COL27A1: variants seen among roughly 807,000 people sequenced by gnomAD.
COL27A1 encodes collagen type XXVII alpha 1 chain.
A neutral mutation model predicts 251.3 loss-of-function variants in COL27A1; 106 were observed. That is an observed-to-expected ratio of 0.42 (90% CI 0.36 to 0.50). The LOEUF is 0.50. COL27A1 is among the 20% of genes least tolerant of loss of function. The pLI is 0.00. For synonymous variants in COL27A1, 1,000 were observed against 986.3 expected (o/e 1.01, Z -0.26); for missense variants, 2,325 against 2,522.8 (o/e 0.92, Z 1.68).
Position 114,194,446 on chromosome 9 carries a change from G to A in COL27A1, c.2059G>A (p.Asp687Asn), listed in dbSNP as rs752509769. The change falls in exon 6 of 61, where the codon GAT (aspartate) becomes AAT (asparagine). Residue 687 changes from aspartate to asparagine, a missense_variant. Asp to Asn is a conservative substitution (Grantham distance 23, BLOSUM62 1). Coordinates refer to ENST00000356083, the MANE Select transcript of COL27A1 (RefSeq NM_032888.4). ...AGGGCTCTCACCAGGAAAGGCCCAC[G>A]ATGGGGCAAAGGTAGGTTTCCAGGG... ...DPGLSPGKAH[D>N]GAKGDMGLPG... 12 of 1,612,860 alleles carry A rather than the reference G, an allele frequency of 7.4e-6. No homozygotes were observed. The highest frequency in any genetic ancestry group is 2.2e-5 in the South Asian group (2 of 90,748).
At chr9:114,236,086 G>A (rs1223868190) in intron 17 of COL27A1, among the ~76,000 whole-genome samples, 1 of 151,764 alleles carries the variant, frequency 6.6e-6, no homozygotes, top group East Asian at 1.9e-4. Context: ...GCCTGCCGTG[G>A]GCCTCTGTAC....
chr9:114,265,562 G>C (rs2135597499), intron 32 of COL27A1, 87 bp downstream of exon 32: 4 of 1,380,430 alleles, frequency 2.9e-6, no homozygotes, highest in Middle Eastern at 1.8e-4. Flanking sequence ...AGAAGGGTTG[G>C]AAAGGGACCA....
At chr9:114,178,180 C>G in intron 3 of COL27A1, 111 bp from the exon 4 acceptor site, 3 of 889,022 alleles carry the variant, frequency 3.4e-6, no homozygotes, top group Non-Finnish European at 5.6e-6. Context: ...TCCTCTTAGC[C>G]GCGGACTATC....
intron 39 of COL27A1, 69 bp from the exon 40 acceptor site, chr9:114,283,640 C>T (rs918704707): frequency 3.4e-6 from 5 of 1,452,142 alleles, no homozygotes; most frequent in Non-Finnish European, 2.9e-6. Flanking sequence ...CTGGAGCCTG[C>T]AGGGAGACTG....
At chr9:114,182,076 C>T (rs900136120) in intron 4 of COL27A1, among the ~76,000 whole-genome samples, 5 of 152,034 alleles carry the variant, frequency 3.3e-5, no homozygotes, top group South Asian at 2.1e-4. Flanking sequence ...CCGTGGCTCA[C>T]GCCTGTAATC....
chr9:114,252,062 C>T (rs1048255192), intron 25 of COL27A1, among the ~76,000 whole-genome samples: 1 of 152,218 alleles, frequency 6.6e-6, no homozygotes, highest in African/African-American at 2.4e-5. Flanking sequence ...GAACCCAGAG[C>T]ACCTACCTTC....
rs562719839 is a variant in COL27A1 at position 114,258,155 on chromosome 9, C to T, written c.3142-386C>T. ...AGGCTGCACTGCACTCCAGCCCAGG[C>T]CACAGAGCGAGATCCTCTCTCAATA... On this transcript the variant is annotated intron_variant, in intron 27 of 60. Coordinates refer to ENST00000356083, the MANE Select transcript of COL27A1 (RefSeq NM_032888.4). 2.6e-5 allele frequency among the ~76,000 whole-genome samples: 4 copies of T among 152,288 alleles called. No homozygotes were observed. The South Asian group carries it at 6.2e-4, about 24-fold the overall frequency.
At chr9:114,175,888 A>C (rs1827398021) in intron 3 of COL27A1, among the ~76,000 whole-genome samples, 1 of 152,198 alleles carries the variant, frequency 6.6e-6, no homozygotes, top group African/African-American at 2.4e-5. Flanking sequence ...ATAATGTAGC[A>C]GAGGAAATTA....
At chr9:114,225,943 G>A (rs1273516597) in intron 14 of COL27A1, among the ~76,000 whole-genome samples, 1 of 152,188 alleles carries the variant, frequency 6.6e-6, no homozygotes, top group Non-Finnish European at 1.5e-5. Context: ...GAGAGTGGAA[G>A]TGTCGGGCTT....
chr9:114,191,975 T>C (rs1202900584), intron 5 of COL27A1, among the ~76,000 whole-genome samples: 1 of 152,126 alleles, frequency 6.6e-6, no homozygotes, highest in Non-Finnish European at 1.5e-5. Flanking sequence ...TGGACATGAG[T>C]GTGTCTGTTC....
At chr9:114,302,888 T>C (rs1387584181) in intron 56 of COL27A1, among the ~76,000 whole-genome samples, 1 of 152,118 alleles carries the variant, frequency 6.6e-6, no homozygotes, top group African/African-American at 2.4e-5. Flanking sequence ...ACACGACTAT[T>C]ACCATCAGGC....
chr9:114,312,114 C>G lies in COL27A1; in HGVS notation c.*1419C>G, dbSNP rs1167586671. On this transcript the variant is annotated 3_prime_UTR_variant, in exon 61 of 61. Coordinates refer to ENST00000356083, the MANE Select transcript of COL27A1 (RefSeq NM_032888.4). ...AATTGGATTTTGAGGTTATTTTAACCATGGAATTATTTTTATAGAAGGGGA... is the reference window on the plus strand; with the variant it reads ...AATTGGATTTTGAGGTTATTTTAACGATGGAATTATTTTTATAGAAGGGGA... The G allele has an allele frequency of 6.6e-6, 1 of 152,176 alleles. No homozygotes were observed. Among genetic ancestry groups the G allele is most frequent in the East Asian group, 1.9e-4 (1 of 5,198 alleles). The allele number at this position is 152,176 out of a possible 1,614,324, so 9.4% of individuals were successfully genotyped here. A position where few individuals can be genotyped will look rare whatever the true frequency, so the allele number is the denominator to read the frequency against.
chr9:114,221,793 C>T (rs1033033505), intron 13 of COL27A1, among the ~76,000 whole-genome samples: 1 of 152,220 alleles, frequency 6.6e-6, no homozygotes, highest in Non-Finnish European at 1.5e-5. Flanking sequence ...AGGAGGCTGG[C>T]TTAGAGGCTC....
chr9:114,303,855 C>G (rs1454789223), intron 56 of COL27A1, among the ~76,000 whole-genome samples: 1 of 152,206 alleles, frequency 6.6e-6, no homozygotes, highest in East Asian at 1.9e-4. Flanking sequence ...AGGAGAAACA[C>G]GGGGACTGGG....
Position 114,240,439 on chromosome 9 carries a change from G to A in COL27A1, c.2787G>A (p.Lys929=). 1 of 1,613,530 alleles carries A rather than the reference G, an allele frequency of 6.2e-7. No individual in the cohort carries two copies. ...TTTTGTTCCCTTCTCCCCAGGGTAA[G>A]CCTGGAGCCCGAGGCCTGCCGGGAC... ...GDNGPEGMKG[K]PGARGLPGPR... is the part of the protein sequence containing the mutation. The change falls in exon 21 of 61, where the codon AAG becomes AAA. Residue 929 remains lysine, a synonymous_variant. Transcript: ENST00000356083.
intron 12 of COL27A1, among the ~76,000 whole-genome samples, chr9:114,216,805 G>T (rs1426590071): frequency 1.3e-5 from 2 of 152,028 alleles, no homozygotes; most frequent in East Asian, 3.9e-4. Flanking sequence ...ACTCCCGGAG[G>T]CCCTCAGCGT....
At chr9:114,305,864 C>T (rs1162617950) in intron 57 of COL27A1, among the ~76,000 whole-genome samples, 1 of 152,226 alleles carries the variant, frequency 6.6e-6, no homozygotes, top group Non-Finnish European at 1.5e-5. Context: ...TGCGTGCACA[C>T]ACACACGTGA....
At position 114,290,143 on chromosome 9, in the gene COL27A1, C is replaced by G. The variant is rs763461026; in HGVS notation, c.4260+32C>G. The stretch of plus-strand genomic sequence containing the variant: ...GACTACAGCTGCTGTTTCCAGCCAA[C>G]CTCCCTGCCCGCCCCCCACACCCGC... On this transcript the variant is annotated intron_variant, in intron 46 of 60. Coordinates refer to ENST00000356083, the MANE Select transcript of COL27A1 (RefSeq NM_032888.4). This position sits in a 1 kb window ranked among gnomAD's most constrained non-coding sequence, Gnocchi z 4.6. 6.2e-7 allele frequency: 1 copy of G among 1,609,402 alleles called. No homozygotes were observed. The highest frequency in any genetic ancestry group is 8.5e-7 in the Non-Finnish European group (1 of 1,178,250).
intron 5 of COL27A1, among the ~76,000 whole-genome samples, chr9:114,192,936 C>T (rs755100858): frequency 7.2e-5 from 11 of 152,210 alleles, no homozygotes; most frequent in Non-Finnish European, 1.3e-4. Flanking sequence ...CCAAACCACC[C>T]TTCCCATGTG....
Sources: allele counts gnomAD v4.1 joint callset (sites outside exome capture counted in the v4.1 genomes callset), GRCh38; gene constraint gnomAD v4.1.1; non-coding constraint Gnocchi (gnomAD v3.1); transcripts MANE v1.5; gene names NCBI Gene and HGNC (gene_info 2026-07-23, HGNC 2026-07-21).